SRGAP2B: variants seen among roughly 807,000 people sequenced by gnomAD.
The protein encoded by SRGAP2B is SLIT-ROBO Rho GTPase activating protein 2B.
In SRGAP2B, 9 loss-of-function variants were observed where a neutral mutation model predicts 22.2. That is an observed-to-expected ratio of 0.41 (90% CI 0.24 to 0.71). The LOEUF (loss-of-function observed/expected upper bound fraction) is 0.71. SRGAP2B is among the 30% of genes least tolerant of loss of function. The pLI is 0.35. For synonymous variants in SRGAP2B, 36 were observed against 87.4 expected, an observed-to-expected ratio of 0.41 and a Z score of 3.28; for missense variants, 114 against 235.8, an observed-to-expected ratio of 0.48 and a Z score of 3.38.
At chr1:145,015,285 G>A in intron 2 of SRGAP2B, among the ~76,000 whole-genome samples, 1 of 102,002 alleles carries the variant, frequency 9.8e-6, no homozygotes, top group African/African-American at 4.3e-5. Flanking sequence ...CACCATGTTG[G>A]CCAGGTTGGT....
At position 145,068,485 on chromosome 1, in the gene SRGAP2B, AC is replaced by A. The variant is rs1175754904; in HGVS notation, c.67+24349del. ...ACAAGAAATGTCAACGCTGGCATAC[AC>A]TTCACCAACAGGCAGATATATCTGT... On this transcript the variant is annotated intron_variant, in intron 2 of 9. Coordinates refer to ENST00000612199, the Ensembl canonical transcript of SRGAP2B. 4.1e-5 allele frequency among the ~76,000 whole-genome samples: 4 copies of A among 97,754 alleles called. No homozygotes were observed. In the East Asian group the frequency reaches 1.1e-3, roughly 27 times the overall value. The allele number at this position is 97,754 out of a possible 152,430, so 64.1% of individuals were successfully genotyped here.
At chr1:144,922,685 G>A (rs1338377036) in intron 4 of SRGAP2B, among the ~76,000 whole-genome samples, 3 of 150,276 alleles carry the variant, frequency 2.0e-5, no homozygotes, top group African/African-American at 7.5e-5. Flanking sequence ...ATCCTTCTTG[G>A]CTGTACAACT....
chr1:145,040,567 A>C (rs1162294127), intron 2 of SRGAP2B, among the ~76,000 whole-genome samples: 1 of 150,212 alleles, frequency 6.7e-6, no homozygotes, highest in Non-Finnish European at 1.5e-5. Context: ...AAAAATAGCC[A>C]TGGACGATAT....
intron 6 of SRGAP2B, 132 bp from the exon 7 acceptor site, chr1:144,905,351 G>A (rs1164770981): frequency 8.4e-6 from 5 of 598,738 alleles, no homozygotes; most frequent in Non-Finnish European, 1.2e-5. Context: ...CCTTAAATTG[G>A]GTTCTAATTC....
In SRGAP2B at chr1:144,930,649, G is replaced by GT. The variant is rs1553605566; in HGVS notation, c.424-15896dup. On this transcript the variant is annotated intron_variant, in intron 4 of 9. Coordinates refer to ENST00000612199, the Ensembl canonical transcript of SRGAP2B. The stretch of plus-strand genomic sequence containing the variant: ...AGCTTCACCAGCCACCTCAAATTCT[G>GT]TAACAGCACACTGGCTTTTCCTAAG... Among the ~76,000 whole-genome samples the GT allele has an allele frequency of 2.7e-5, 4 of 150,934 alleles. No individual in the cohort carries two copies. In the East Asian group the frequency reaches 7.8e-4, roughly 29 times the overall value.
chr1:144,973,988 C>T (rs1416777), intron 3 of SRGAP2B, among the ~76,000 whole-genome samples: 2 of 150,450 alleles, frequency 1.3e-5, no homozygotes, highest in Admixed American at 1.3e-4. Flanking sequence ...GACACAGAGG[C>T]CCCAGCCTTA....
chr1:145,020,406 A>AAG (rs587717465), intron 2 of SRGAP2B, among the ~76,000 whole-genome samples: 13 of 129,376 alleles, frequency 1.0e-4, no homozygotes, highest in Non-Finnish European at 1.1e-4. Flanking sequence ...CAACCTGGGC[A>AAG]AGAGAGAGAG....
At chr1:144,992,143 T>C (rs1670295882) in intron 3 of SRGAP2B, among the ~76,000 whole-genome samples, 2 of 148,720 alleles carry the variant, frequency 1.3e-5, no homozygotes, top group African/African-American at 5.1e-5. Context: ...ACACTCACCG[T>C]GAAGGTCTGC....
chr1:144,944,699 A>C (rs1478965421), intron 4 of SRGAP2B, among the ~76,000 whole-genome samples: 1 of 141,452 alleles, frequency 7.1e-6, no homozygotes, highest in African/African-American at 2.7e-5. Flanking sequence ...TTATTTATTT[A>C]TTTATTTATT....
intron 4 of SRGAP2B, among the ~76,000 whole-genome samples, chr1:144,924,571 A>T (rs1553604697): frequency 2.0e-5 from 3 of 151,276 alleles, no homozygotes; most frequent in Non-Finnish European, 4.4e-5. Context: ...TACTAAAAAT[A>T]CAAAAAAAAA....
chr1:144,985,409 G>GA lies in SRGAP2B; in HGVS notation c.260+9598dup, dbSNP rs1189485035. Among the ~76,000 whole-genome samples, 405 of 130,552 alleles carry GA rather than the reference G, an allele frequency of 3.1e-3. 8 individuals are homozygous for GA. The highest frequency in any genetic ancestry group is 3.8e-3 in the Non-Finnish European group (230 of 60,998). The allele number at this position is 130,552 out of a possible 152,430, so 85.6% of individuals were successfully genotyped here. On this transcript the variant is annotated intron_variant, in intron 3 of 9. Transcript: ENST00000612199. The stretch of plus-strand genomic sequence containing the variant: ...GAAGTATTGCTCTAAAAACTCAACA[G>GA]AAAAAAAAAAGCTACCTAAAAAATG...
At chr1:144,888,927 C>T (rs1662064075) in exon 10 of SRGAP2B, 1 of 141,154 alleles carries the variant, frequency 7.1e-6, no homozygotes, top group African/African-American at 2.8e-5. Flanking sequence ...CGTGAGCCAC[C>T]ACGCCCAGCA....
At chr1:144,971,895 C>T (rs1622502) in intron 3 of SRGAP2B, among the ~76,000 whole-genome samples, 1 of 150,312 alleles carries the variant, frequency 6.7e-6, no homozygotes, top group Non-Finnish European at 1.5e-5. Context: ...GACTAGTAAC[C>T]GTTTTCTTAT....
rs1229662064 is a variant in SRGAP2B, at chr1:144,891,435, T to C, written c.*725A>G. On this transcript the variant is annotated 3_prime_UTR_variant, in exon 10 of 10. Transcript: ENST00000612199. ...ACATCTGCAAACTTAATTTTTCCTT[T>C]CTTGGTCATCAGAAGATTAGGAAAT... The C allele has an allele frequency of 5.4e-4, 7 of 13,008 alleles. No individual in the cohort carries two copies. In the East Asian group the frequency reaches 1.0e-2, roughly 19 times the overall value. The allele number at this position is 13,008 out of a possible 1,614,324, so 0.8% of individuals were successfully genotyped here.
intron 2 of SRGAP2B, among the ~76,000 whole-genome samples, chr1:145,067,295 A>G (rs1455994323): frequency 6.0e-5 from 9 of 149,598 alleles, no homozygotes; most frequent in African/African-American, 2.3e-4. Flanking sequence ...TCTAAAAAAA[A>G]AAAAAAAAAA....
At chr1:144,942,230 C>CT (rs1232412854) in intron 4 of SRGAP2B, among the ~76,000 whole-genome samples, 2 of 147,652 alleles carry the variant, frequency 1.4e-5, no homozygotes, top group South Asian at 2.1e-4. Context: ...TAGAATTATG[C>CT]TTTTTTTAAA....
At chr1:145,001,941 G>T (rs1353538403) in intron 2 of SRGAP2B, among the ~76,000 whole-genome samples, 1 of 147,070 alleles carries the variant, frequency 6.8e-6, no homozygotes, top group African/African-American at 2.6e-5. Flanking sequence ...AGGCTTGCTT[G>T]AGCCCAGGAG....
chr1:144,902,578 GT>G (rs1180484738), intron 7 of SRGAP2B, among the ~76,000 whole-genome samples: 5 of 116,730 alleles, frequency 4.3e-5, no homozygotes, highest in Admixed American at 1.8e-4. Flanking sequence ...GGCTAACACA[GT>G]GAAAACCCGT....
chr1:144,983,850 A>G (rs587717787), intron 3 of SRGAP2B, among the ~76,000 whole-genome samples: 28 of 150,612 alleles, frequency 1.9e-4, no homozygotes, highest in Non-Finnish European at 3.5e-4. Context: ...GCACGTGTGC[A>G]AATCTCTACC....
Sources: allele counts gnomAD v4.1 joint callset (sites outside exome capture counted in the v4.1 genomes callset), GRCh38; gene constraint gnomAD v4.1.1; transcripts MANE v1.5; gene names NCBI Gene and HGNC (gene_info 2026-07-23, HGNC 2026-07-21).